The following AGMO variants were observed in gnomAD, a reference collection of about 807,000 sequenced individuals.
AGMO encodes alkylglycerol monooxygenase.
A neutral mutation model predicts 60.2 loss-of-function variants in AGMO; 75 were observed. The observed-to-expected ratio is 1.25, with a 90% CI of 1.03 to 1.51. The LOEUF (loss-of-function observed/expected upper bound fraction) is 1.51, where lower values mean the gene tolerates loss of function less well. Among genes scored for constraint, AGMO ranks in the 40% most tolerant of loss-of-function variants. AGMO has a pLI of 0.00. For synonymous variants in AGMO, 261 were observed against 177.1 expected, an observed-to-expected ratio of 1.47 and a Z score of -3.76; for missense variants, 763 against 525.5, an observed-to-expected ratio of 1.45 and a Z score of -4.42.
rs1781270880 is a variant in AGMO at position 15,201,225 on chromosome 7, G to A, written c.*60C>T. 1 of 1,029,056 alleles carries A rather than the reference G, an allele frequency of 9.7e-7. No individual in the cohort carries two copies. The highest frequency in any genetic ancestry group is 2.5e-5 in the East Asian group (1 of 39,510). The allele number at this position is 1,029,056 out of a possible 1,614,324, so 63.7% of individuals were successfully genotyped here. On this transcript the variant is annotated 3_prime_UTR_variant, in exon 13 of 13. Coordinates refer to ENST00000342526, the MANE Select transcript of AGMO (RefSeq NM_001004320.2). ...ACATAAAATAATTACATTTTAATAT[G>A]CAGTCATAATATGCGTGTGGACAAC...
chr7:15,333,856 T>C (rs1430341513), intron 12 of AGMO, among the ~76,000 whole-genome samples: 1 of 152,096 alleles, frequency 6.6e-6, no homozygotes, highest in Non-Finnish European at 1.5e-5. Context: ...TCTTTCATAG[T>C]ATCCCAATTC....
At chr7:15,560,658 A>C (rs2115318814) in intron 1 of AGMO, among the ~76,000 whole-genome samples, 1 of 152,320 alleles carries the variant, frequency 6.6e-6, no homozygotes, top group African/African-American at 2.4e-5. Flanking sequence ...GCTTTCCTTA[A>C]AGATGCACAT....
chr7:15,424,968 G>A (rs1781020641), intron 4 of AGMO, among the ~76,000 whole-genome samples: 1 of 152,056 alleles, frequency 6.6e-6, no homozygotes, highest in South Asian at 2.1e-4. Flanking sequence ...AGTTTGGCAG[G>A]GAGTACAATG....
At position 15,248,192 on chromosome 7, in the gene AGMO, A is replaced by ATG. The variant is rs1782812219; in HGVS notation, c.1264-46834_1264-46833insCA. ...GTGATCCAGCACCATATATATATAT[A>ATG]TATATATATATATATATATATATAT... On this transcript the variant is annotated intron_variant, in intron 12 of 12. Coordinates refer to ENST00000342526, the MANE Select transcript of AGMO (RefSeq NM_001004320.2). Among the ~76,000 whole-genome samples the ATG allele has an allele frequency of 1.7e-4, 11 of 63,016 alleles. 1 individual carries two copies. In the South Asian group the frequency reaches 2.6e-3, roughly 15 times the overall value. The allele number at this position is 63,016 out of a possible 152,430, so 41.3% of individuals were successfully genotyped here.
chr7:15,365,390 A>AAAAAAAAAAAAAAAAAAAAAAAAAAAAT, intron 12 of AGMO, 124 bp downstream of exon 12: 1 of 475,884 alleles, frequency 2.1e-6, no homozygotes, highest in Non-Finnish European at 3.6e-6. Context: ...TAAAAAAAAA[A>AAAAAAAAAAAAAAAAAAAAAAAAAAAAT]AAAAAGATCA....
the AGMO span, among the ~76,000 whole-genome samples, chr7:15,170,681 G>A: frequency 7.9e-3 from 1,204 of 152,102 alleles, 14 homozygotes; most frequent in African/African-American, 0.027. Flanking sequence ...CATAATTAAT[G>A]AACCAATACT....
chr7:15,510,460 G>T (rs1363624476), intron 3 of AGMO, among the ~76,000 whole-genome samples: 1 of 151,784 alleles, frequency 6.6e-6, no homozygotes, highest in African/African-American at 2.4e-5. Flanking sequence ...TTACTGACAT[G>T]AGCAACTGCA....
intron 12 of AGMO, among the ~76,000 whole-genome samples, chr7:15,277,920 G>A (rs1025517659): frequency 6.6e-6 from 1 of 152,146 alleles, no homozygotes; most frequent in Non-Finnish European, 1.5e-5. Flanking sequence ...CCTAATAGGG[G>A]TGTCTGGAGA....
chr7:15,366,888 T>C (rs956786786), intron 10 of AGMO, among the ~76,000 whole-genome samples: 39 of 152,042 alleles, frequency 2.6e-4, no homozygotes, highest in Admixed American at 3.3e-4. Flanking sequence ...CCAGGTATCT[T>C]AAGGGTAAAA....
the AGMO span, among the ~76,000 whole-genome samples, chr7:15,185,798 T>C: frequency 6.6e-6 from 1 of 152,242 alleles, no homozygotes; most frequent in Non-Finnish European, 1.5e-5. Context: ...ATGAGGTTAA[T>C]GGATTTTCAG....
chr7:15,366,135 C>A lies in AGMO; in HGVS notation c.1157+5G>T, dbSNP rs769418402. The A allele has an allele frequency of 6.3e-7, 1 of 1,599,600 alleles. No homozygotes were observed. On this transcript the variant is annotated splice_donor_5th_base_variant and intron_variant, in intron 11 of 12. Transcript: ENST00000342526. The stretch of plus-strand genomic sequence containing the variant: ...TAAAAACAATGCAAGAATTTCACTT[C>A]TTGCCTTTGATCCAGAAGAAATCCA...
intron 12 of AGMO, among the ~76,000 whole-genome samples, chr7:15,325,673 A>G (rs1781315392): frequency 6.6e-6 from 1 of 152,190 alleles, no homozygotes; most frequent in Non-Finnish European, 1.5e-5. Context: ...TGTAAAAAGC[A>G]AAATGCTTAA....
chr7:15,444,962 G>T (rs563573540), intron 3 of AGMO, among the ~76,000 whole-genome samples: 1 of 152,140 alleles, frequency 6.6e-6, no homozygotes, highest in East Asian at 1.9e-4. Flanking sequence ...CATCTAGGGA[G>T]GACTTCAAAG....
chr7:15,351,488 T>C (rs545884633), intron 12 of AGMO, among the ~76,000 whole-genome samples: 6 of 152,148 alleles, frequency 3.9e-5, no homozygotes, highest in Non-Finnish European at 8.8e-5. Context: ...AAAATGTGCA[T>C]GTAAAATTGC....
chr7:15,275,557 T>C (rs928294063), intron 12 of AGMO, among the ~76,000 whole-genome samples: 4 of 152,200 alleles, frequency 2.6e-5, no homozygotes, highest in African/African-American at 9.6e-5. Flanking sequence ...ATGTCTATCA[T>C]ATCAATTTGC....
At chr7:15,273,081 T>G (rs1450112133) in intron 12 of AGMO, among the ~76,000 whole-genome samples, 3 of 152,344 alleles carry the variant, frequency 2.0e-5, no homozygotes, top group African/African-American at 4.8e-5. Flanking sequence ...GTAGGTTGCC[T>G]GCTCACTCTG....
intron 3 of AGMO, among the ~76,000 whole-genome samples, chr7:15,532,467 G>A (rs1562558236): frequency 6.6e-6 from 1 of 152,030 alleles, no homozygotes; most frequent in African/African-American, 2.4e-5. Context: ...GTTAGTTATT[G>A]TTTTAATTAA....
intron 5 of AGMO, among the ~76,000 whole-genome samples, chr7:15,403,195 G>C (rs1346385417): frequency 6.6e-6 from 1 of 151,942 alleles, no homozygotes; most frequent in Admixed American, 6.6e-5. Flanking sequence ...AGCAAAATGA[G>C]TTCCCTTTCC....
At chr7:15,382,332 C>G (rs1175627667) in intron 10 of AGMO, among the ~76,000 whole-genome samples, 1 of 152,014 alleles carries the variant, frequency 6.6e-6, no homozygotes, top group Non-Finnish European at 1.5e-5. Context: ...CTGATTTTGT[C>G]CAGGTATATA....
Sources: gnomAD v4.1 joint callset for allele counts (sites outside exome capture counted in the v4.1 genomes callset) on GRCh38, gnomAD v4.1.1 for gene constraint, MANE v1.5 for transcripts, NCBI Gene and HGNC (gene_info 2026-07-23, HGNC 2026-07-21) for gene names.